DBNL: variants seen among roughly 807,000 people sequenced by gnomAD.
DBNL encodes drebrin-like protein.
DBNL carries 35 observed loss-of-function variants against 62.2 expected under a neutral mutation model. The ratio of observed to expected loss-of-function variants is 0.56; its 90% CI spans 0.43 to 0.75. DBNL has a LOEUF of 0.75. Ranked by LOEUF, DBNL falls within the 30% of genes least tolerant of loss-of-function variation. DBNL has a pLI of 0.00. For synonymous variants in DBNL, 197 were observed against 218.0 expected, an observed-to-expected ratio of 0.90 and a Z score of 0.85; for missense variants, 495 against 578.4, an observed-to-expected ratio of 0.86 and a Z score of 1.48.
At chr7:44,047,585 C>A (rs1282419173) in intron 1 of DBNL, among the ~76,000 whole-genome samples, 1 of 152,200 alleles carries the variant, frequency 6.6e-6, no homozygotes, top group Non-Finnish European at 1.5e-5. Context: ...AAAGTAAGTT[C>A]CATGGGCAGG....
At chr7:44,052,042 A>G (rs2096127500) in intron 3 of DBNL, 100 bp downstream of exon 3, 4 of 971,562 alleles carry the variant, frequency 4.1e-6, no homozygotes, top group Non-Finnish European at 4.8e-6. Context: ...TACTGGCATG[A>G]CTTAGTAGAT....
At chr7:44,048,164 C>T (rs1248081065) in intron 1 of DBNL, among the ~76,000 whole-genome samples, 5 of 152,346 alleles carry the variant, frequency 3.3e-5, no homozygotes, top group Middle Eastern at 3.4e-3. Context: ...ATCCACCCGC[C>T]TTGGCCTCCC....
rs753205196 is a variant in DBNL at position 44,065,021 on chromosome 7, C to G, written c.*4105C>G. On this transcript the variant is annotated 3_prime_UTR_variant, in exon 13 of 13. Transcript: ENST00000448521. ...CCTGCGTACCGACGCTCCTGGGGGA[C>G]ACAGGCACGCTGCTTTCCCTCCCAA... 6.2e-7 allele frequency: 1 copy of G among 1,606,728 alleles called. No individual in the cohort carries two copies. The highest frequency in any genetic ancestry group is 1.7e-5 in the Admixed American group (1 of 59,878).
chr7:44,059,948 C>T lies in DBNL; in HGVS notation c.1048-100C>T, dbSNP rs34863001. 105,240 of 1,206,308 alleles carry T rather than the reference C, an allele frequency of 0.087. 5,605 individuals carry two copies. The highest frequency in any genetic ancestry group is 0.1 in the Non-Finnish European group (86,582 of 843,440). 74.7% of individuals were successfully genotyped at this position (1,206,308 alleles called of 1,614,324 possible). A position where few individuals can be genotyped will look rare whatever the true frequency, so the allele number is the denominator to read the frequency against. ...AGCCCCCGAGCCTGTAGACTGCTTG[C>T]CCTCTGCGTACTCCCAGCTTGACCT... On this transcript the variant is annotated intron_variant, in intron 11 of 12. Transcript: ENST00000448521. The surrounding 1 kb of genome is among the most constrained non-coding windows in gnomAD (Gnocchi z 4.1).
At position 44,058,965 on chromosome 7, in the gene DBNL, A is replaced by T. The variant is rs142338686; in HGVS notation, c.817A>T (p.Ile273Phe). 6.2e-7 allele frequency: 1 copy of T among 1,613,936 alleles called. No individual in the cohort carries two copies. The highest frequency in any genetic ancestry group is 8.5e-7 in the Non-Finnish European group (1 of 1,179,968). Residue 273 changes from isoleucine to phenylalanine, a missense_variant, in exon 9 of 13, where the codon ATC (isoleucine) becomes TTC (phenylalanine). Transcript: ENST00000448521. ...QKERAMSTTS[I>F]SSPQPGKLRS... ...GGAGAGGGCCATGTCCACCACCTCC[A>T]TCTCCAGTCCTCAGCCTGGTGAGCT...
Position 44,064,407 on chromosome 7 carries a change from A to G in DBNL, c.*3491A>G. On this transcript the variant is annotated 3_prime_UTR_variant, in exon 13 of 13. Coordinates refer to ENST00000448521, the MANE Select transcript of DBNL (RefSeq NM_001014436.3). Reference sequence around the variant, plus strand: ...GGCCCTGCGAGGGGTCCAAGCCTACATCAAGAGGAATTCAGTACCAGGGGG... The same window carrying G: ...GGCCCTGCGAGGGGTCCAAGCCTACGTCAAGAGGAATTCAGTACCAGGGGG... 3.5e-6 allele frequency: 1 copy of G among 283,168 alleles called. No homozygotes were observed. Among genetic ancestry groups the G allele is most frequent in the Non-Finnish European group, 6.9e-6 (1 of 145,216 alleles). 17.5% of individuals were successfully genotyped at this position (283,168 alleles called of 1,614,324 possible). A position where few individuals can be genotyped will look rare whatever the true frequency, so the allele number is the denominator to read the frequency against.
chr7:44,045,658 A>T (rs2096116001), intron 1 of DBNL, among the ~76,000 whole-genome samples: 1 of 152,260 alleles, frequency 6.6e-6, no homozygotes, highest in Non-Finnish European at 1.5e-5. Context: ...TGTGGTCAGC[A>T]CTGAGGCCCT....
At position 44,060,954 on chromosome 7, in the gene DBNL, G is replaced by C; in HGVS notation, c.*38G>C. Reference sequence around the variant, plus strand: ...ATCTTGCCCTTCCCCTCTCAGACATGGCTTCCTTATTGCTGGAAGAGGAGG... The same window carrying C: ...ATCTTGCCCTTCCCCTCTCAGACATCGCTTCCTTATTGCTGGAAGAGGAGG... On this transcript the variant is annotated 3_prime_UTR_variant, in exon 13 of 13. Coordinates refer to ENST00000448521, the MANE Select transcript of DBNL (RefSeq NM_001014436.3). This position sits in a 1 kb window ranked among gnomAD's most constrained non-coding sequence, Gnocchi z 6.3. The C allele has an allele frequency of 6.2e-7, 1 of 1,601,080 alleles. No individual in the cohort carries two copies. The highest frequency in any genetic ancestry group is 8.5e-7 in the Non-Finnish European group (1 of 1,172,646).
At position 44,065,693 on chromosome 7, in the gene DBNL, G is replaced by T. The variant is rs186968338; in HGVS notation, c.*4777G>T. The T allele has an allele frequency of 4.3e-6, 3 of 696,784 alleles. No homozygotes were observed. The Admixed American group carries it at 6.3e-5, about 15-fold the overall frequency. 43.2% of individuals were successfully genotyped at this position (696,784 alleles called of 1,614,324 possible). A position where few individuals can be genotyped will look rare whatever the true frequency, so the allele number is the denominator to read the frequency against. On this transcript the variant is annotated 3_prime_UTR_variant, in exon 13 of 13. Coordinates refer to ENST00000448521, the MANE Select transcript of DBNL (RefSeq NM_001014436.3). ...GTAGCTGAGCTGCTGGGGGCTGGGG[G>T]CCAGGGGAGTGTGCAGGCCAAGAGG...
intron 1 of DBNL, among the ~76,000 whole-genome samples, chr7:44,046,340 T>C (rs2096117247): frequency 1.3e-5 from 2 of 152,188 alleles, no homozygotes; most frequent in South Asian, 2.1e-4. Flanking sequence ...CTTCCAGGTC[T>C]CTCTTCATCA....
rs201514688 is a variant in DBNL, at chr7:44,060,778, C to T, written c.1155C>T (p.Ala385=). The change falls in exon 13 of 13, where the codon GCC becomes GCT. Residue 385 remains alanine (A), a splice_region_variant and synonymous_variant. Coordinates refer to ENST00000448521, the MANE Select transcript of DBNL (RefSeq NM_001014436.3). The surrounding 1 kb of genome is among the most constrained non-coding windows in gnomAD (Gnocchi z 6.3). ...CARALYDYQA[A]DDTEISFDPE... ...CATCTGGGCTCATCCTCTTTGCAGC[C>T]GACGACACAGAGATCTCCTTTGACC... 161 of 1,613,390 alleles carry T rather than the reference C, an allele frequency of 1.0e-4. No homozygotes were observed. Among genetic ancestry groups the T allele is most frequent in the Non-Finnish European group, 1.2e-4 (145 of 1,179,724 alleles).
rs777099037 is a variant in DBNL, at chr7:44,050,269, C to T, written c.128C>T (p.Ala43Val). 1.9e-6 allele frequency: 3 copies of T among 1,613,700 alleles called. No individual in the cohort carries two copies. The highest frequency in any genetic ancestry group is 2.5e-6 in the Non-Finnish European group (3 of 1,179,694). ...GGCAACAGCAATGACATCCGCGTGGCTGGCACAGGGGGTGAGTATGACTCC... is the reference window on the plus strand; with the variant it reads ...GGCAACAGCAATGACATCCGCGTGGTTGGCACAGGGGGTGAGTATGACTCC... ...YEGNSNDIRV[A>V]GTGEGGLEEM... is the part of the protein sequence containing the mutation. Residue 43 changes from alanine (A) to valine (V), a missense_variant, in exon 2 of 13, where the codon GCT becomes GTT. Transcript: ENST00000448521.
chr7:44,059,624 C>T lies in DBNL; in HGVS notation c.1013C>T (p.Pro338Leu). 1 of 1,609,486 alleles carries T rather than the reference C, an allele frequency of 6.2e-7. No individual in the cohort carries two copies. The highest frequency in any genetic ancestry group is 8.5e-7 in the Non-Finnish European group (1 of 1,179,844). ...AEEEAVYEEPPEQETFYEQPP... is the reference protein window; with the variant it reads ...AEEEAVYEEPLEQETFYEQPP... ...GAGGAGGCTGTGTATGAGGAACCTC[C>T]AGAGCAGGAGACCTTCTACGAGCAG... The change falls in exon 11 of 13, where the codon CCA (proline) becomes CTA (leucine). Residue 338 changes from proline (P) to leucine (L), a missense_variant. Coordinates refer to ENST00000448521, the MANE Select transcript of DBNL (RefSeq NM_001014436.3). This position sits in a 1 kb window ranked among gnomAD's most constrained non-coding sequence, Gnocchi z 4.1.
At position 44,059,878 on chromosome 7, in the gene DBNL, T is replaced by C. The variant is rs1407067450; in HGVS notation, c.1048-170T>C. ...CTATGGCTGAGGGATTTATGCACTGTCCTGTGGCTTCTGTACTCTGGTAGG... is the reference window on the plus strand; with the variant it reads ...CTATGGCTGAGGGATTTATGCACTGCCCTGTGGCTTCTGTACTCTGGTAGG... On this transcript the variant is annotated intron_variant, in intron 11 of 12. Transcript: ENST00000448521. This position sits in a 1 kb window ranked among gnomAD's most constrained non-coding sequence, Gnocchi z 4.1. Among the ~76,000 whole-genome samples the C allele has an allele frequency of 6.6e-6, 1 of 152,154 alleles. No individual in the cohort carries two copies. Among genetic ancestry groups the C allele is most frequent in the African/African-American group, 2.4e-5 (1 of 41,432 alleles).
chr7:44,052,908 C>T lies in DBNL; in HGVS notation c.294C>T (p.Ala98=). 6.2e-7 allele frequency: 1 copy of T among 1,613,716 alleles called. No individual in the cohort carries two copies. The change falls in exon 4 of 13, where the codon GCC becomes GCT. Residue 98 remains alanine (A), a synonymous_variant. Coordinates refer to ENST00000448521, the MANE Select transcript of DBNL (RefSeq NM_001014436.3). The part of the protein sequence containing the change: ...GVNDVRKGAC[A]SHVSTMASFL... Reference sequence around the variant, plus strand: ...ACGATGTGCGGAAGGGAGCCTGTGCCAGCCACGTCAGCACCATGGCCAGCT... The same window carrying T: ...ACGATGTGCGGAAGGGAGCCTGTGCTAGCCACGTCAGCACCATGGCCAGCT...
rs745682425 is a variant in DBNL at position 44,060,941 on chromosome 7, C to T, written c.*25C>T. On this transcript the variant is annotated 3_prime_UTR_variant, in exon 13 of 13. Transcript: ENST00000448521. The surrounding 1 kb of genome is among the most constrained non-coding windows in gnomAD (Gnocchi z 6.3). ...AGGCTGAGGGCACATCTTGCCCTTC[C>T]CCTCTCAGACATGGCTTCCTTATTG... 6 of 1,606,870 alleles carry T rather than the reference C, an allele frequency of 3.7e-6. No homozygotes were observed. The highest frequency in any genetic ancestry group is 1.1e-5 in the South Asian group (1 of 90,600).
At chr7:44,048,649 C>T (rs2096121384) in intron 1 of DBNL, among the ~76,000 whole-genome samples, 2 of 152,338 alleles carry the variant, frequency 1.3e-5, no homozygotes, top group Admixed American at 1.3e-4. Context: ...GACTGTTTAT[C>T]CCTGGAGCTT....
In DBNL at chr7:44,064,793, G is replaced by GGCCCCCCCCCCACC; in HGVS notation, c.*3877_*3878insGCCCCCCCCCCACC. The GGCCCCCCCCCCACC allele has an allele frequency of 8.8e-7, 1 of 1,136,982 alleles. No individual in the cohort carries two copies. The highest frequency in any genetic ancestry group is 1.3e-6 in the Non-Finnish European group (1 of 773,400). The allele number at this position is 1,136,982 out of a possible 1,614,324, so 70.4% of individuals were successfully genotyped here. A position where few individuals can be genotyped will look rare whatever the true frequency, so the allele number is the denominator to read the frequency against. Reference sequence around the variant, plus strand: ...AGATGAGAAGCCAGCTGGGGCTGCTGCCCACCCACCCTGCCCAGGCTCCTG... The same window carrying GGCCCCCCCCCCACC: ...AGATGAGAAGCCAGCTGGGGCTGCTGGCCCCCCCCCCACCCCCACCCACCCTGCCCAGGCTCCTG... On this transcript the variant is annotated 3_prime_UTR_variant, in exon 13 of 13. Transcript: ENST00000448521.
In DBNL at chr7:44,060,242, AG is replaced by A. The variant is rs2096146095; in HGVS notation, c.1153+94del. The A allele has an allele frequency of 5.8e-6, 7 of 1,197,564 alleles. No individual in the cohort carries two copies. The highest frequency in any genetic ancestry group is 1.4e-5 in the South Asian group (1 of 73,830). The allele number at this position is 1,197,564 out of a possible 1,614,324, so 74.2% of individuals were successfully genotyped here. A position where few individuals can be genotyped will look rare whatever the true frequency, so the allele number is the denominator to read the frequency against. On this transcript the variant is annotated intron_variant, in intron 12 of 12. Transcript: ENST00000448521. This position sits in a 1 kb window ranked among gnomAD's most constrained non-coding sequence, Gnocchi z 6.3. ...TGGGGTTTTATGGGAAGATGGCACC[AG>A]GGGGTATCAGGAAGAGAAGACAGGA...
Sources: allele counts gnomAD v4.1 joint callset (sites outside exome capture counted in the v4.1 genomes callset), GRCh38; gene constraint gnomAD v4.1.1; non-coding constraint Gnocchi (gnomAD v3.1); transcripts MANE v1.5; gene names NCBI Gene and HGNC (gene_info 2026-07-23, HGNC 2026-07-21).